KIAA0825: variants seen among roughly 807,000 people sequenced by gnomAD.
The protein encoded by KIAA0825 is uncharacterized protein KIAA0825.
Under a neutral mutation model 147.6 loss-of-function variants are expected in KIAA0825, and 119 were observed. That is an observed-to-expected ratio of 0.81 (90% CI 0.69 to 0.94). The LOEUF is 0.94. Among genes scored for constraint, KIAA0825 ranks in the 40% least tolerant of loss-of-function variants. The pLI, the probability that KIAA0825 is intolerant of heterozygous loss-of-function variation, is 0.00. For missense variants in KIAA0825, 1,381 were observed against 1,472.7 expected, an observed-to-expected ratio of 0.94 and a Z score of 1.02; for synonymous variants, 470 against 518.1, an observed-to-expected ratio of 0.91 and a Z score of 1.26.
intron 4 of KIAA0825, among the ~76,000 whole-genome samples, chr5:94,522,962 C>T (rs991142666): frequency 2.0e-5 from 3 of 151,614 alleles, no homozygotes; most frequent in South Asian, 2.1e-4. Context: ...TAACTATATC[C>T]ATATTTATTC....
chr5:94,306,613 T>C (rs1006449158), intron 20 of KIAA0825, among the ~76,000 whole-genome samples: 1 of 151,840 alleles, frequency 6.6e-6, no homozygotes, highest in Admixed American at 6.6e-5. Flanking sequence ...CAGTTAAACT[T>C]GGTAAAGTTA....
At chr5:94,554,516 A>G (rs1285348139) in intron 2 of KIAA0825, among the ~76,000 whole-genome samples, 1 of 151,712 alleles carries the variant, frequency 6.6e-6, no homozygotes, top group Non-Finnish European at 1.5e-5. Flanking sequence ...TCAGAAAGTA[A>G]TATTCCTATA....
At chr5:94,331,164 G>T (rs530811585) in intron 20 of KIAA0825, among the ~76,000 whole-genome samples, 21 of 149,442 alleles carry the variant, frequency 1.4e-4, no homozygotes, top group East Asian at 3.9e-4. Context: ...GAGAGAGAGA[G>T]AGAAAGAAAG....
intron 1 of KIAA0825, among the ~76,000 whole-genome samples, chr5:94,591,197 A>T (rs1220961360): frequency 1.3e-5 from 2 of 152,228 alleles, no homozygotes; most frequent in Non-Finnish European, 2.9e-5. Flanking sequence ...GAATAGAAAA[A>T]GCCAAACTCT....
chr5:94,600,985 G>A (rs1184916560), intron 1 of KIAA0825, among the ~76,000 whole-genome samples: 1 of 152,122 alleles, frequency 6.6e-6, no homozygotes, highest in East Asian at 1.9e-4. Flanking sequence ...AGCAACTTAG[G>A]TGTTTCAGCA....
At chr5:94,161,378 C>T (rs73773579) in intron 20 of KIAA0825, among the ~76,000 whole-genome samples, 2,796 of 152,242 alleles carry the variant, frequency 0.018, 93 homozygotes, top group African/African-American at 0.063. Context: ...TTTTGCTGTT[C>T]CACCCACATG....
chr5:94,443,990 G>A (rs986821489), intron 13 of KIAA0825, among the ~76,000 whole-genome samples: 1 of 152,170 alleles, frequency 6.6e-6, no homozygotes, highest in Non-Finnish European at 1.5e-5. Flanking sequence ...ACTCAGTGGT[G>A]CTGGAATGCT....
chr5:94,391,426 A>C, intron 18 of KIAA0825, 109 bp downstream of exon 18: 1 of 1,030,192 alleles, frequency 9.7e-7, no homozygotes, highest in East Asian at 2.6e-5. Context: ...TGAGTTTGGT[A>C]TTGACTTTAA....
chr5:94,185,352 T>G (rs2149987205), intron 20 of KIAA0825, among the ~76,000 whole-genome samples: 1 of 152,306 alleles, frequency 6.6e-6, no homozygotes, highest in South Asian at 2.1e-4. Context: ...ATGCTGAAGA[T>G]TATTGATGCC....
intron 20 of KIAA0825, among the ~76,000 whole-genome samples, chr5:94,372,673 C>G (rs1175121642): frequency 6.6e-6 from 1 of 152,188 alleles, no homozygotes; most frequent in East Asian, 1.9e-4. Flanking sequence ...GGTCTCCAGG[C>G]CTGTAATGGG....
chr5:94,438,873 TA>T (rs569891986), intron 14 of KIAA0825, among the ~76,000 whole-genome samples: 108 of 152,310 alleles, frequency 7.1e-4, no homozygotes, highest in African/African-American at 2.5e-3. Flanking sequence ...AATGAAAATA[TA>T]AGGCAGTGCA....
At chr5:94,164,895 G>A (rs1282784291) in intron 20 of KIAA0825, among the ~76,000 whole-genome samples, 2 of 152,088 alleles carry the variant, frequency 1.3e-5, no homozygotes, top group African/African-American at 2.4e-5. Context: ...AAGACCTCAA[G>A]CTATGAAACT....
chr5:94,187,488 G>A (rs772883453), intron 20 of KIAA0825, among the ~76,000 whole-genome samples: 14 of 148,488 alleles, frequency 9.4e-5, no homozygotes, highest in Admixed American at 4.1e-4. Flanking sequence ...GTGCAGTAGC[G>A]AGATCTCGGT....
At chr5:94,269,398 A>C (rs1776876881) in intron 20 of KIAA0825, among the ~76,000 whole-genome samples, 1 of 152,272 alleles carries the variant, frequency 6.6e-6, no homozygotes, top group Middle Eastern at 3.4e-3. Flanking sequence ...ACAAATAACA[A>C]ATGGCAGGAG....
At chr5:94,253,052 TA>T (rs1369119443) in intron 20 of KIAA0825, among the ~76,000 whole-genome samples, 3 of 152,168 alleles carry the variant, frequency 2.0e-5, no homozygotes, top group Non-Finnish European at 4.4e-5. Context: ...GCAATATTTT[TA>T]AAAGCTTGTA....
intron 20 of KIAA0825, among the ~76,000 whole-genome samples, chr5:94,321,267 A>G (rs1032733393): frequency 1.3e-5 from 2 of 152,018 alleles, no homozygotes; most frequent in South Asian, 2.1e-4. Context: ...TACAAAATTG[A>G]GTATTTGATT....
At chr5:94,494,515 C>T (rs1764129914) in intron 5 of KIAA0825, among the ~76,000 whole-genome samples, 1 of 152,010 alleles carries the variant, frequency 6.6e-6, no homozygotes, top group South Asian at 2.1e-4. Flanking sequence ...TGGTTTAACT[C>T]CCAGTTGTAA....
chr5:94,591,360 C>T (rs1784325591), intron 1 of KIAA0825, among the ~76,000 whole-genome samples: 1 of 152,174 alleles, frequency 6.6e-6, no homozygotes, highest in South Asian at 2.1e-4. Flanking sequence ...CAAGCCACTA[C>T]TTTGTATTTT....
chr5:94,259,891 A>G (rs1282375413), intron 20 of KIAA0825, among the ~76,000 whole-genome samples: 1 of 151,994 alleles, frequency 6.6e-6, no homozygotes, highest in Admixed American at 6.6e-5. Flanking sequence ...GTCACTCAGC[A>G]TGCCATTAAT....
Sources: gnomAD v4.1 joint callset for allele counts (sites outside exome capture counted in the v4.1 genomes callset) on GRCh38, gnomAD v4.1.1 for gene constraint, MANE v1.5 for transcripts, NCBI Gene and HGNC (gene_info 2026-07-23, HGNC 2026-07-21) for gene names.